Variants in LRP1B observed in about 807,000 individuals in gnomAD.
LRP1B encodes the protein low-density lipoprotein receptor-related protein 1B.
Under a neutral mutation model 556.6 loss-of-function variants are expected in LRP1B, and 217 were observed. The observed-to-expected ratio is 0.39, with a 90% CI of 0.35 to 0.44. The LOEUF is 0.44. Among genes scored for constraint, LRP1B ranks in the 20% least tolerant of loss-of-function variants. LRP1B has a pLI of 1.00. For missense variants in LRP1B, 5,053 were observed against 5,620.8 expected (o/e 0.90, Z 3.23); for synonymous variants, 2,047 against 1,865.8 (o/e 1.10, Z -2.50).
chr2:142,075,524 C>G (rs1315910199), intron 1 of LRP1B, among the ~76,000 whole-genome samples: 1 of 152,084 alleles, frequency 6.6e-6, no homozygotes, highest in East Asian at 1.9e-4. Flanking sequence ...CAATGACCCA[C>G]ACCACTCTTT....
intron 1 of LRP1B, among the ~76,000 whole-genome samples, chr2:141,863,778 A>G (rs117227146): frequency 1.3e-4 from 20 of 152,136 alleles, no homozygotes; most frequent in African/African-American, 3.4e-4. Flanking sequence ...ACTTAAACCT[A>G]TTTGATTCAT....
intron 2 of LRP1B, among the ~76,000 whole-genome samples, chr2:141,758,277 A>G (rs1574327983): frequency 6.6e-6 from 1 of 152,306 alleles, no homozygotes; most frequent in East Asian, 1.9e-4. Context: ...GCTTTGTATA[A>G]TCCAATTTAT....
intron 12 of LRP1B, among the ~76,000 whole-genome samples, chr2:141,017,485 A>G (rs896564212): frequency 1.3e-4 from 20 of 151,722 alleles, no homozygotes; most frequent in African/African-American, 4.8e-4. Flanking sequence ...ACACGCACAC[A>G]CGAGACAGAG....
chr2:141,097,504 G>GA (rs2104929610), intron 7 of LRP1B, among the ~76,000 whole-genome samples: 1 of 152,004 alleles, frequency 6.6e-6, no homozygotes, highest in Admixed American at 6.6e-5. Context: ...AAAGAAAATG[G>GA]AAAAAAGAAA....
chr2:140,899,590 A>C (rs1002539438), intron 23 of LRP1B, among the ~76,000 whole-genome samples: 2 of 152,198 alleles, frequency 1.3e-5, no homozygotes, highest in African/African-American at 2.4e-5. Flanking sequence ...GGTATGGTTA[A>C]TCTAAGGATT....
chr2:140,884,126 T>C, intron 24 of LRP1B, 105 bp from the exon 25 acceptor site: 1 of 1,047,052 alleles, frequency 9.6e-7, no homozygotes. Context: ...TATTTCAATG[T>C]GATTTCAACT....
chr2:140,517,225 T>A (rs1004972155), intron 49 of LRP1B, among the ~76,000 whole-genome samples: 1 of 152,050 alleles, frequency 6.6e-6, no homozygotes, highest in Non-Finnish European at 1.5e-5. Context: ...GATAATCAAA[T>A]CCAATCCAGG....
chr2:141,223,117 C>T lies in LRP1B; in HGVS notation c.850+6066G>A, dbSNP rs1018478615. ...GAGTTGTCTTTGTTTGCAGATGACA[C>T]GATCCTATATCTAGAAAACCCCATT... On this transcript the variant is annotated intron_variant, in intron 6 of 90. Coordinates refer to ENST00000389484, the MANE Select transcript of LRP1B (RefSeq NM_018557.3). 5.9e-5 allele frequency among the ~76,000 whole-genome samples: 9 copies of T among 151,996 alleles called. No homozygotes were observed. In the South Asian group the frequency reaches 8.3e-4, roughly 14 times the overall value.
intron 2 of LRP1B, among the ~76,000 whole-genome samples, chr2:141,666,265 G>T (rs1690429196): frequency 6.6e-6 from 1 of 152,146 alleles, no homozygotes; most frequent in Non-Finnish European, 1.5e-5. Flanking sequence ...ATGTTATCTT[G>T]TATCACCTGA....
chr2:141,152,643 A>G (rs898165963), intron 7 of LRP1B, among the ~76,000 whole-genome samples: 6 of 151,914 alleles, frequency 3.9e-5, no homozygotes, highest in African/African-American at 1.4e-4. Context: ...AGGTTTTATC[A>G]ATTTCTTTGC....
chr2:141,089,661 TA>T (rs1004906181), intron 7 of LRP1B, among the ~76,000 whole-genome samples: 2 of 152,096 alleles, frequency 1.3e-5, no homozygotes, highest in African/African-American at 4.8e-5. Context: ...GGAATCTGGG[TA>T]AAAAACACAC....
At chr2:140,996,474 A>G (rs1313304344) in intron 15 of LRP1B, among the ~76,000 whole-genome samples, 7 of 152,052 alleles carry the variant, frequency 4.6e-5, no homozygotes, top group African/African-American at 1.7e-4. Flanking sequence ...TTGTTTTATA[A>G]TTAATTTTTA....
At position 140,574,735 on chromosome 2, in the gene LRP1B, G is replaced by A. The variant is rs759412079; in HGVS notation, c.7194+23896C>T. On this transcript the variant is annotated intron_variant, in intron 43 of 90. Transcript: ENST00000389484. ...CACTTCCTGGCATTCCTTTAGTCAT[G>A]TCAGATAATAAAACCTTCTCCCTTT... Among the ~76,000 whole-genome samples the A allele has an allele frequency of 5.7e-4, 86 of 152,144 alleles. 1 individual carries two copies. Among genetic ancestry groups the A allele is most frequent in the Non-Finnish European group, 4.4e-4 (30 of 68,024 alleles).
intron 89 of LRP1B, among the ~76,000 whole-genome samples, chr2:140,237,820 A>G (rs1267021723): frequency 2.0e-5 from 3 of 150,924 alleles, no homozygotes; most frequent in African/African-American, 7.3e-5. Context: ...TGATATCAAT[A>G]CTAAAACAAT....
intron 2 of LRP1B, among the ~76,000 whole-genome samples, chr2:141,533,869 G>A (rs145885199): frequency 1.7e-3 from 260 of 152,246 alleles, no homozygotes; most frequent in African/African-American, 6.0e-3. Context: ...CAGATTTGAT[G>A]TTTATTTCCT....
chr2:141,643,925 G>T (rs897490807), intron 2 of LRP1B, among the ~76,000 whole-genome samples: 10 of 151,764 alleles, frequency 6.6e-5, no homozygotes, highest in African/African-American at 2.4e-4. Flanking sequence ...ATTAGAATAG[G>T]TTTAGAACAT....
At chr2:140,594,116 G>A (rs562415195) in intron 43 of LRP1B, among the ~76,000 whole-genome samples, 2 of 151,790 alleles carry the variant, frequency 1.3e-5, no homozygotes, top group South Asian at 2.1e-4. Flanking sequence ...TAGCTGGGAC[G>A]TGCCACCATG....
At chr2:141,463,798 A>T (rs1682044441) in intron 3 of LRP1B, among the ~76,000 whole-genome samples, 1 of 146,186 alleles carries the variant, frequency 6.8e-6, no homozygotes, top group South Asian at 2.1e-4. Context: ...CCTATATTTA[A>T]ACTATATATA....
chr2:140,424,689 T>C (rs1355630557), intron 66 of LRP1B, among the ~76,000 whole-genome samples: 3 of 152,228 alleles, frequency 2.0e-5, no homozygotes, highest in East Asian at 1.9e-4. Flanking sequence ...AAGTGTATCA[T>C]GCATGACACA....
Sources: gnomAD v4.1 joint callset for allele counts (sites outside exome capture counted in the v4.1 genomes callset) on GRCh38, gnomAD v4.1.1 for gene constraint, MANE v1.5 for transcripts, NCBI Gene and HGNC (gene_info 2026-07-23, HGNC 2026-07-21) for gene names.